The following SAV1 variants were observed in gnomAD, a reference collection of about 807,000 sequenced individuals.
SAV1 encodes the protein protein salvador homolog 1.
Under a neutral mutation model 47.3 loss-of-function variants are expected in SAV1, and 23 were observed. The ratio of observed to expected loss-of-function variants is 0.49; its 90% CI spans 0.35 to 0.69. SAV1 has a LOEUF of 0.69. Among genes scored for constraint, SAV1 ranks in the 30% least tolerant of loss-of-function variants. The pLI is 0.01. For missense variants in SAV1, 448 were observed against 457.4 expected, an observed-to-expected ratio of 0.98 and a Z score of 0.19; for synonymous variants, 155 against 159.2, an observed-to-expected ratio of 0.97 and a Z score of 0.20.
chr14:50,652,158 A>G lies in SAV1; in HGVS notation c.536-7144T>C, dbSNP rs555925620. 6.6e-5 allele frequency among the ~76,000 whole-genome samples: 10 copies of G among 152,346 alleles called. No homozygotes were observed. In the East Asian group the frequency reaches 1.9e-3, roughly 29 times the overall value. ...CCTAAGGCAAAAAGAAGGTAGTTCAATGTGAATGTACTTACTGCCAACAAA... is the reference window on the plus strand; with the variant it reads ...CCTAAGGCAAAAAGAAGGTAGTTCAGTGTGAATGTACTTACTGCCAACAAA... On this transcript the variant is annotated intron_variant, in intron 2 of 4. Coordinates refer to ENST00000324679, the MANE Select transcript of SAV1 (RefSeq NM_021818.4).
At chr14:50,642,073 C>T (rs192882671) in intron 3 of SAV1, among the ~76,000 whole-genome samples, 1 of 152,248 alleles carries the variant, frequency 6.6e-6, no homozygotes, top group African/African-American at 2.4e-5. Context: ...ACTGATGGAA[C>T]TGGAGGCCAT....
At chr14:50,653,589 G>A (rs2039788189) in intron 2 of SAV1, among the ~76,000 whole-genome samples, 1 of 152,078 alleles carries the variant, frequency 6.6e-6, no homozygotes, top group African/African-American at 2.4e-5. Flanking sequence ...TTATCTTTAC[G>A]GCCGGACACG....
intron 2 of SAV1, among the ~76,000 whole-genome samples, chr14:50,659,204 G>C (rs1391060834): frequency 6.6e-6 from 1 of 151,526 alleles, no homozygotes; most frequent in Non-Finnish European, 1.5e-5. Flanking sequence ...GAAGGCAGAA[G>C]TCTACTGTCT....
chr14:50,657,762 A>C (rs1373664582), intron 2 of SAV1, among the ~76,000 whole-genome samples: 3 of 152,244 alleles, frequency 2.0e-5, no homozygotes, highest in African/African-American at 7.2e-5. Flanking sequence ...TTAACTGCAC[A>C]AACACCTTCT....
chr14:50,665,761 G>A (rs1322068167), intron 1 of SAV1, 142 bp from the exon 2 acceptor site: 25 of 688,168 alleles, frequency 3.6e-5, no homozygotes, highest in East Asian at 8.3e-5. Context: ...GGTTTAGGAT[G>A]GTACTTGGGC....
At position 50,643,602 on chromosome 14, in the gene SAV1, G is replaced by A. The variant is rs553720319; in HGVS notation, c.806+1142C>T. Among the ~76,000 whole-genome samples the A allele has an allele frequency of 2.0e-5, 3 of 152,256 alleles. No homozygotes were observed. In the East Asian group the frequency reaches 5.8e-4, roughly 29 times the overall value. On this transcript the variant is annotated intron_variant, in intron 3 of 4. Coordinates refer to ENST00000324679, the MANE Select transcript of SAV1 (RefSeq NM_021818.4). ...GGACACAGAGCCAAACCATGTCAAC[G>A]AACAGAAAAGTAAACTCTCAAATCT...
intron 2 of SAV1, among the ~76,000 whole-genome samples, chr14:50,647,698 A>C (rs942989564): frequency 1.8e-4 from 27 of 152,238 alleles, no homozygotes; most frequent in African/African-American, 6.5e-4. Flanking sequence ...TCAGGATCAT[A>C]ATTAGCCGTG....
intron 3 of SAV1, among the ~76,000 whole-genome samples, chr14:50,641,647 G>T (rs2039681716): frequency 6.6e-6 from 1 of 152,106 alleles, no homozygotes; most frequent in Admixed American, 6.5e-5. Flanking sequence ...CAAATCAAAA[G>T]CACAATGAAA....
In SAV1 at chr14:50,636,190, A is replaced by G. The variant is rs763597598; in HGVS notation, c.951-806T>C. 2.6e-4 allele frequency among the ~76,000 whole-genome samples: 39 copies of G among 152,324 alleles called. No individual in the cohort carries two copies. In the Middle Eastern group the frequency reaches 0.014, roughly 53 times the overall value. On this transcript the variant is annotated intron_variant, in intron 4 of 4. Coordinates refer to ENST00000324679, the MANE Select transcript of SAV1 (RefSeq NM_021818.4). ...GAAGAACATATTTTGTGCTACTTATAAGTTCATCAAAAGTTAACTGTCAGG... is the reference window on the plus strand; with the variant it reads ...GAAGAACATATTTTGTGCTACTTATGAGTTCATCAAAAGTTAACTGTCAGG...
Position 50,635,083 on chromosome 14 carries a change from A to C in SAV1, c.*100T>G, listed in dbSNP as rs1441423062. The C allele has an allele frequency of 2.5e-6, 2 of 792,962 alleles. No homozygotes were observed. The highest frequency in any genetic ancestry group is 5.3e-5 in the East Asian group (2 of 37,818). The allele number at this position is 792,962 out of a possible 1,614,324, so 49.1% of individuals were successfully genotyped here. A position where few individuals can be genotyped will look rare whatever the true frequency, so the allele number is the denominator to read the frequency against. ...AAAGTTAGAATTTTATAATTTCCAC[A>C]AAGGAAGCAGCATTTATTAACCAGA... On this transcript the variant is annotated 3_prime_UTR_variant, in exon 5 of 5. Coordinates refer to ENST00000324679, the MANE Select transcript of SAV1 (RefSeq NM_021818.4).
chr14:50,667,841 G>C, intron 1 of SAV1, 33 bp downstream of exon 1: 1 of 1,594,314 alleles, frequency 6.3e-7, no homozygotes, highest in Non-Finnish European at 8.6e-7. Flanking sequence ...GGCCGCCTGG[G>C]CCAGGTGTGG....
At chr14:50,654,821 T>C (rs2039799083) in intron 2 of SAV1, among the ~76,000 whole-genome samples, 1 of 152,202 alleles carries the variant, frequency 6.6e-6, no homozygotes, top group South Asian at 2.1e-4. Flanking sequence ...TCTGTACCCA[T>C]GGCTGCATCT....
intron 2 of SAV1, among the ~76,000 whole-genome samples, chr14:50,649,211 T>C (rs2039747537): frequency 6.6e-6 from 1 of 152,254 alleles, no homozygotes; most frequent in Non-Finnish European, 1.5e-5. Context: ...ATTCTTACTA[T>C]GGCAGTCTAC....
chr14:50,657,606 A>G (rs2039823896), intron 2 of SAV1, among the ~76,000 whole-genome samples: 2 of 152,334 alleles, frequency 1.3e-5, no homozygotes, highest in South Asian at 4.1e-4. Context: ...CAAGCCACCA[A>G]TTTTGATCCA....
At chr14:50,656,098 A>G (rs1351478147) in intron 2 of SAV1, among the ~76,000 whole-genome samples, 1 of 152,180 alleles carries the variant, frequency 6.6e-6, no homozygotes, top group Admixed American at 6.5e-5. Context: ...AGTTTGTGGC[A>G]ATTTCATCTA....
At chr14:50,636,315 T>C (rs2039634303) in intron 4 of SAV1, among the ~76,000 whole-genome samples, 1 of 140,336 alleles carries the variant, frequency 7.1e-6, no homozygotes, top group South Asian at 2.5e-4. Context: ...TTTTGAGGAA[T>C]GCTATTCACA....
chr14:50,647,772 C>A (rs550470936), intron 2 of SAV1, among the ~76,000 whole-genome samples: 3 of 152,120 alleles, frequency 2.0e-5, no homozygotes, highest in East Asian at 3.9e-4. Context: ...GGCCAAAAAA[C>A]CAAACAAAAC....
rs368889121 is a variant in SAV1 at position 50,665,369 on chromosome 14, T to C, written c.345A>G (p.Ser115=). ...CAGCAAAACTAACTTCCGTTACAAA[T>C]GACTGAGAAGAACCATACTCTCTAG... ...DVPREYGSSQ[S]FVTEVSFAVE... is the part of the protein sequence containing the mutation. The change falls in exon 2 of 5, where the codon TCA becomes TCG. Residue 115 remains serine, a synonymous_variant. Coordinates refer to ENST00000324679, the MANE Select transcript of SAV1 (RefSeq NM_021818.4). 3.1e-6 allele frequency: 5 copies of C among 1,612,182 alleles called. No homozygotes were observed. The highest frequency in any genetic ancestry group is 4.2e-6 in the Non-Finnish European group (5 of 1,178,864).
chr14:50,641,941 A>G (rs182785827), intron 3 of SAV1, among the ~76,000 whole-genome samples: 1 of 152,340 alleles, frequency 6.6e-6, no homozygotes, highest in African/African-American at 2.4e-5. Context: ...CACAATAGCA[A>G]AGATACGGTA....
Sources: gnomAD v4.1 joint callset for allele counts (sites outside exome capture counted in the v4.1 genomes callset) on GRCh38, gnomAD v4.1.1 for gene constraint, MANE v1.5 for transcripts, NCBI Gene and HGNC (gene_info 2026-07-23, HGNC 2026-07-21) for gene names.